FBXL2: variants seen among roughly 807,000 people sequenced by gnomAD.
FBXL2 encodes F-box and leucine rich repeat protein 2, also known as F-box/LRR-repeat protein 2.
Under a neutral mutation model 69.2 loss-of-function variants are expected in FBXL2, and 38 were observed. That is an observed-to-expected ratio of 0.55 (90% CI 0.42 to 0.72). FBXL2 has a LOEUF of 0.72. FBXL2 is among the 30% of genes least tolerant of loss of function. FBXL2 has a pLI of 0.00. For synonymous variants in FBXL2, 192 were observed against 201.3 expected, an observed-to-expected ratio of 0.95 and a Z score of 0.39; for missense variants, 354 against 520.3, an observed-to-expected ratio of 0.68 and a Z score of 3.11.
intron 2 of FBXL2, among the ~76,000 whole-genome samples, chr3:33,345,185 C>T (rs2040343442): frequency 6.6e-6 from 1 of 152,222 alleles, no homozygotes; most frequent in African/African-American, 2.4e-5. Flanking sequence ...GTTATGCCCC[C>T]TCTGAAGGCT....
chr3:33,326,056 CATG>C (rs1371497128), intron 2 of FBXL2, among the ~76,000 whole-genome samples: 1 of 152,168 alleles, frequency 6.6e-6, no homozygotes, highest in Non-Finnish European at 1.5e-5. Flanking sequence ...AATTCAAAGG[CATG>C]ATAGTTTTAG....
intron 1 of FBXL2, among the ~76,000 whole-genome samples, chr3:33,281,214 G>A (rs1280147225): frequency 6.6e-6 from 1 of 151,854 alleles, no homozygotes; most frequent in East Asian, 1.9e-4. Context: ...CCCTCAACAG[G>A]CCCCAGTGTG....
chr3:33,381,896 A>G (rs1292933582), intron 13 of FBXL2, among the ~76,000 whole-genome samples: 2 of 152,222 alleles, frequency 1.3e-5, no homozygotes, highest in Non-Finnish European at 2.9e-5. Flanking sequence ...TATATTCCAC[A>G]TTGTTAAGAT....
chr3:33,393,350 G>C (rs2043842425), intron 12 of FBXL2: 1 of 1,611,442 alleles, frequency 6.2e-7, no homozygotes, highest in Non-Finnish European at 8.5e-7. Context: ...GTGGGACCCT[G>C]TCTGTAAACC....
At chr3:33,346,821 C>T (rs1007462210) in intron 2 of FBXL2, among the ~76,000 whole-genome samples, 3 of 135,666 alleles carry the variant, frequency 2.2e-5, no homozygotes, top group Non-Finnish European at 4.6e-5. Context: ...ACTCTGTGTT[C>T]AGATTTAAAA....
intron 13 of FBXL2, among the ~76,000 whole-genome samples, chr3:33,379,036 C>G (rs1233466277): frequency 1.3e-5 from 2 of 150,306 alleles, no homozygotes; most frequent in Admixed American, 1.3e-4. Flanking sequence ...GAAACAGGGT[C>G]TCACTCTATC....
chr3:33,378,861 C>T lies in FBXL2; in HGVS notation c.951+120C>T. On this transcript the variant is annotated intron_variant, in intron 13 of 14. Transcript: ENST00000484457. ...TATCATCTCTCTTGATTTCAAAAAT[C>T]TATTAATTGGGCTAACTTGGGAGGC... is the stretch of plus-strand genomic sequence containing the variant. The T allele has an allele frequency of 1.3e-6, 2 of 1,562,032 alleles. 1 individual carries two copies. The highest frequency in any genetic ancestry group is 1.7e-6 in the Non-Finnish European group (2 of 1,158,102).
At chr3:33,396,715 C>T (rs1256076512) in intron 12 of FBXL2, 1 of 525,792 alleles carries the variant, frequency 1.9e-6, no homozygotes, top group Admixed American at 2.3e-5. Context: ...TAGTCATGAC[C>T]TTGAAAACCA....
At chr3:33,311,103 C>G (rs1432120942) in intron 2 of FBXL2, among the ~76,000 whole-genome samples, 2 of 152,162 alleles carry the variant, frequency 1.3e-5, no homozygotes, top group Non-Finnish European at 2.9e-5. Flanking sequence ...CTATGTCATC[C>G]TATTCTCTTG....
At chr3:33,372,266 C>T (rs984567359) in intron 5 of FBXL2, 1 of 152,252 alleles carries the variant, frequency 6.6e-6, no homozygotes, top group African/African-American at 2.4e-5. Flanking sequence ...CCACAGATCT[C>T]TGGAGTTCTC....
intron 2 of FBXL2, among the ~76,000 whole-genome samples, chr3:33,317,090 G>A (rs1163132706): frequency 6.6e-6 from 1 of 151,920 alleles, no homozygotes; most frequent in Non-Finnish European, 1.5e-5. Flanking sequence ...TGTACAGCAG[G>A]TCTCACTATG....
At chr3:33,320,601 G>A (rs899358256) in intron 2 of FBXL2, among the ~76,000 whole-genome samples, 27 of 151,512 alleles carry the variant, frequency 1.8e-4, no homozygotes, top group Admixed American at 9.9e-4. Flanking sequence ...CTGCCTCAGC[G>A]TCCTGAGTAG....
chr3:33,390,305 G>C, downstream of FBXL2: 1 of 1,610,226 alleles, frequency 6.2e-7, no homozygotes, highest in Non-Finnish European at 8.5e-7. Flanking sequence ...ATTTGGTACT[G>C]AATACAGTTC....
At chr3:33,285,398 G>T (rs1559485623) in intron 1 of FBXL2, among the ~76,000 whole-genome samples, 1 of 152,152 alleles carries the variant, frequency 6.6e-6, no homozygotes, top group African/African-American at 2.4e-5. Flanking sequence ...TAGAGTTTCT[G>T]CCAAGAGATC....
chr3:33,313,264 T>C (rs924727586), intron 2 of FBXL2, among the ~76,000 whole-genome samples: 1 of 152,058 alleles, frequency 6.6e-6, no homozygotes, highest in African/African-American at 2.4e-5. Flanking sequence ...TTTTTTTTTT[T>C]AATTTTAAAC....
chr3:33,394,831 T>C (rs544769243), intron 12 of FBXL2, among the ~76,000 whole-genome samples: 1 of 150,642 alleles, frequency 6.6e-6, no homozygotes, highest in Non-Finnish European at 1.5e-5. Context: ...TTTTTTTTTT[T>C]TTTTTTAAAT....
intron 2 of FBXL2, among the ~76,000 whole-genome samples, chr3:33,318,494 G>A (rs1265512557): frequency 1.3e-5 from 2 of 152,062 alleles, no homozygotes; most frequent in Non-Finnish European, 2.9e-5. Context: ...CTCTAGATCT[G>A]CATTCTTTGT....
At chr3:33,349,291 T>C (rs936948044) in intron 2 of FBXL2, among the ~76,000 whole-genome samples, 3 of 152,192 alleles carry the variant, frequency 2.0e-5, no homozygotes, top group Admixed American at 2.0e-4. Context: ...ATACCTAGTT[T>C]GTTGAGGGGT....
rs947560906 is a variant in FBXL2, at chr3:33,387,139, TAA to T, written c.*1535_*1536del. On this transcript the variant is annotated 3_prime_UTR_variant, in exon 15 of 15. Transcript: ENST00000484457. ...TGATATATTCCAGTATTCCTTGGTC[TAA>T]AAATTGTGTGGATACCATAGCAGTT... 10 of 152,206 alleles carry T rather than the reference TAA, an allele frequency of 6.6e-5. No homozygotes were observed. The highest frequency in any genetic ancestry group is 2.4e-4 in the African/African-American group (10 of 41,438). The allele number at this position is 152,206 out of a possible 1,614,324, so 9.4% of individuals were successfully genotyped here.
Sources: allele counts gnomAD v4.1 joint callset (sites outside exome capture counted in the v4.1 genomes callset), GRCh38; gene constraint gnomAD v4.1.1; transcripts MANE v1.5; gene names NCBI Gene and HGNC (gene_info 2026-07-23, HGNC 2026-07-21).